The following KTN1 variants were observed in gnomAD, a reference collection of about 807,000 sequenced individuals.
KTN1 encodes the protein kinectin 1.
Under a neutral mutation model 222.5 loss-of-function variants are expected in KTN1, and 130 were observed. The ratio of observed to expected loss-of-function variants is 0.58; its 90% CI spans 0.51 to 0.68. The LOEUF (loss-of-function observed/expected upper bound fraction) is 0.68. Among genes scored for constraint, KTN1 ranks in the 30% least tolerant of loss-of-function variants. The pLI, the probability that KTN1 is intolerant of heterozygous loss-of-function variation, is 0.00. For missense variants in KTN1, 1,508 were observed against 1,500.4 expected, an observed-to-expected ratio of 1.01 and a Z score of -0.08; for synonymous variants, 512 against 496.3, an observed-to-expected ratio of 1.03 and a Z score of -0.42.
intron 1 of KTN1, among the ~76,000 whole-genome samples, chr14:55,590,679 CTTT>C (rs1199051378): frequency 7.1e-6 from 1 of 141,578 alleles, no homozygotes; most frequent in Admixed American, 7.1e-5. Context: ...TCAGGATATT[CTTT>C]TTTTTTTTTT....
Position 55,652,856 on chromosome 14 carries a change from A to G in KTN1, c.2610A>G (p.Lys870=). 1 of 1,591,972 alleles carries G rather than the reference A, an allele frequency of 6.3e-7. No homozygotes were observed. Among genetic ancestry groups the G allele is most frequent in the Non-Finnish European group, 8.6e-7 (1 of 1,167,952 alleles). Residue 870 remains lysine, a synonymous_variant, in exon 26 of 44, where the codon AAA becomes AAG. Transcript: ENST00000395314. ...CTGATTAATTTATTATCAGATTAAA[A>G]GGAAAAGAGGAACAGATGAATACCA... is the stretch of plus-strand genomic sequence containing the variant. ...SKVQELQNLL[K]GKEEQMNTMK... is the part of the protein sequence containing the mutation.
chr14:55,592,964 T>C (rs1048440444), intron 1 of KTN1, among the ~76,000 whole-genome samples: 4 of 152,332 alleles, frequency 2.6e-5, no homozygotes, highest in Middle Eastern at 3.4e-3. Context: ...TTATCCCGTG[T>C]TTTTAATTGT....
intron 22 of KTN1, 110 bp from the exon 23 acceptor site, chr14:55,650,218 A>C: frequency 1.4e-6 from 1 of 734,770 alleles, no homozygotes; most frequent in Non-Finnish European, 2.3e-6. Context: ...ATTTTATTTA[A>C]AATGGGAAAG....
At position 55,629,992 on chromosome 14, in the gene KTN1, T is replaced by G. The variant is rs759288359; in HGVS notation, c.1116T>G (p.Val372=). ...MMTEKERSNV[V]ITRMKDRIGT... Reference sequence around the variant, plus strand: ...CAGAGAAAGAAAGAAGCAATGTGGTTATAACAAGGATGAAAGATCGAATTG... The same window carrying G: ...CAGAGAAAGAAAGAAGCAATGTGGTGATAACAAGGATGAAAGATCGAATTG... The change falls in exon 7 of 44, where the codon GTT becomes GTG. Residue 372 remains valine (V), a synonymous_variant. Coordinates refer to ENST00000395314, the MANE Select transcript of KTN1 (RefSeq NM_001079521.2). 2 of 1,602,760 alleles carry G rather than the reference T, an allele frequency of 1.2e-6. No individual in the cohort carries two copies. The highest frequency in any genetic ancestry group is 4.5e-5 in the East Asian group (2 of 44,792).
At chr14:55,600,216 C>T (rs988339114) in intron 1 of KTN1, among the ~76,000 whole-genome samples, 7 of 151,220 alleles carry the variant, frequency 4.6e-5, no homozygotes, top group African/African-American at 1.7e-4. Flanking sequence ...GGTGATACAC[C>T]TAAGAGTTAT....
intron 1 of KTN1, among the ~76,000 whole-genome samples, chr14:55,591,578 TTTC>T (rs2034130834): frequency 1.4e-5 from 2 of 142,036 alleles, no homozygotes; most frequent in African/African-American, 5.0e-5. Context: ...TCTTTCTCTC[TTTC>T]TTTTTTTTTT....
At chr14:55,585,672 C>T (rs1187645178) in intron 1 of KTN1, among the ~76,000 whole-genome samples, 2 of 152,098 alleles carry the variant, frequency 1.3e-5, no homozygotes, top group African/African-American at 4.8e-5. Flanking sequence ...AGAAATAACA[C>T]CTTTTGACTC....
At chr14:55,630,850 G>A (rs74979160) in intron 7 of KTN1, among the ~76,000 whole-genome samples, 9,191 of 152,238 alleles carry the variant, frequency 0.06, 384 homozygotes, top group South Asian at 0.09. Context: ...AAGAACAAGG[G>A]CCTGAAATTA....
chr14:55,617,088 A>T (rs542319443), intron 3 of KTN1, among the ~76,000 whole-genome samples: 2 of 152,356 alleles, frequency 1.3e-5, no homozygotes, highest in Admixed American at 1.3e-4. Flanking sequence ...GCATCAGATT[A>T]TAAGAGATGG....
At chr14:55,648,926 G>C (rs2042661872) in intron 21 of KTN1, 56 bp downstream of exon 21, 3 of 1,237,396 alleles carry the variant, frequency 2.4e-6, no homozygotes, top group South Asian at 1.3e-5. Context: ...TTGTTTGTTT[G>C]TTGTTTTTAA....
In KTN1 at chr14:55,661,508, A is replaced by T. The variant is rs768035068; in HGVS notation, c.3000-14A>T. ...ACCTAAAATCTTGCTACATGTATTC[A>T]TGTTCTGGTTTAGAATTTCAGAAAG... On this transcript the variant is annotated splice_polypyrimidine_tract_variant and intron_variant, in intron 31 of 43. Transcript: ENST00000395314. 1 of 1,421,700 alleles carries T rather than the reference A, an allele frequency of 7.0e-7. No homozygotes were observed. The highest frequency in any genetic ancestry group is 9.9e-7 in the Non-Finnish European group (1 of 1,005,580). The allele number at this position is 1,421,700 out of a possible 1,614,324, so 88.1% of individuals were successfully genotyped here.
intron 12 of KTN1, among the ~76,000 whole-genome samples, 160 bp downstream of exon 12, chr14:55,638,007 C>T (rs562606417): frequency 5.3e-5 from 8 of 151,960 alleles, no homozygotes; most frequent in Admixed American, 1.3e-4. Flanking sequence ...TAATTATGTA[C>T]GGTGCTGAGG....
chr14:55,618,248 C>A, intron 4 of KTN1, 114 bp downstream of exon 4: 2 of 775,222 alleles, frequency 2.6e-6, no homozygotes, highest in Non-Finnish European at 3.9e-6. Flanking sequence ...AGAATCAAAT[C>A]CTTGTGGTAG....
intron 5 of KTN1, among the ~76,000 whole-genome samples, chr14:55,625,690 G>C (rs953926582): frequency 5.9e-5 from 9 of 151,950 alleles, no homozygotes; most frequent in African/African-American, 1.9e-4. Flanking sequence ...TCGAAATTTT[G>C]GCAAGTTAAC....
intron 35 of KTN1, 145 bp from the exon 36 acceptor site, chr14:55,671,421 T>A (rs2045438043): frequency 1.7e-6 from 1 of 600,438 alleles, no homozygotes; most frequent in African/African-American, 1.9e-5. Context: ...ACTTCATCGC[T>A]ACTTAGAAAG....
chr14:55,619,051 G>T, intron 4 of KTN1, 131 bp from the exon 5 acceptor site: 2 of 643,312 alleles, frequency 3.1e-6, no homozygotes, highest in Admixed American at 3.0e-5. Flanking sequence ...TATTTAACCT[G>T]AAGTATATAT....
chr14:55,630,144 T>C (rs1336734026), intron 7 of KTN1, 47 bp downstream of exon 7: 1 of 1,562,702 alleles, frequency 6.4e-7, no homozygotes, highest in Non-Finnish European at 8.8e-7. Context: ...TGCATTCACT[T>C]TATTAGCAAA....
At chr14:55,598,540 C>A (rs1474657163) in intron 1 of KTN1, among the ~76,000 whole-genome samples, 1 of 148,678 alleles carries the variant, frequency 6.7e-6, no homozygotes, top group Non-Finnish European at 1.5e-5. Context: ...TAGTAAATTT[C>A]ATATAAAGTC....
intron 5 of KTN1, among the ~76,000 whole-genome samples, chr14:55,624,566 G>A (rs2039557601): frequency 6.6e-6 from 1 of 152,156 alleles, no homozygotes; most frequent in South Asian, 2.1e-4. Flanking sequence ...GTAGAAGAAA[G>A]GCTACAATGG....
Sources: allele counts gnomAD v4.1 joint callset (sites outside exome capture counted in the v4.1 genomes callset), GRCh38; gene constraint gnomAD v4.1.1; transcripts MANE v1.5; gene names NCBI Gene and HGNC (gene_info 2026-07-23, HGNC 2026-07-21).